The following CNTNAP2 variants were observed in gnomAD, a reference collection of about 807,000 sequenced individuals.
The protein encoded by CNTNAP2 is contactin associated protein 2.
CNTNAP2 carries 98 observed loss-of-function variants against 155.2 expected under a neutral mutation model. The ratio of observed to expected loss-of-function variants is 0.63; its 90% CI spans 0.54 to 0.75. CNTNAP2 has a LOEUF of 0.75. Ranked by LOEUF, CNTNAP2 falls within the 30% of genes least tolerant of loss-of-function variation. The pLI, the probability that CNTNAP2 is intolerant of heterozygous loss-of-function variation, is 0.00. For synonymous variants in CNTNAP2, 651 were observed against 631.2 expected (o/e 1.03, Z -0.47); for missense variants, 1,727 against 1,688.1 (o/e 1.02, Z -0.40).
chr7:146,117,902 A>C (rs2116712725), intron 1 of CNTNAP2, among the ~76,000 whole-genome samples: 1 of 152,360 alleles, frequency 6.6e-6, no homozygotes, highest in Non-Finnish European at 1.5e-5. Context: ...AATATTCATA[A>C]GCGCATACTA....
At chr7:146,160,648 C>T (rs894395653) in intron 1 of CNTNAP2, among the ~76,000 whole-genome samples, 7 of 152,052 alleles carry the variant, frequency 4.6e-5, no homozygotes, top group Admixed American at 1.3e-4. Flanking sequence ...CAAGACTTAA[C>T]CAAGAAGAAG....
At chr7:146,548,797 G>GTTT (rs1563130077) in intron 1 of CNTNAP2, among the ~76,000 whole-genome samples, 1 of 74,488 alleles carries the variant, frequency 1.3e-5, no homozygotes, top group African/African-American at 5.0e-5. Context: ...CCATTCTCTA[G>GTTT]GTTTTTTTTT....
intron 9 of CNTNAP2, among the ~76,000 whole-genome samples, chr7:147,319,412 CT>C (rs1470195853): frequency 1.3e-5 from 2 of 152,130 alleles, no homozygotes; most frequent in Non-Finnish European, 2.9e-5. Flanking sequence ...CAGTCTCACT[CT>C]GTTGCCCAGG....
chr7:146,599,340 T>C (rs572581542), intron 1 of CNTNAP2, among the ~76,000 whole-genome samples: 2 of 152,110 alleles, frequency 1.3e-5, no homozygotes, highest in Admixed American at 6.6e-5. Flanking sequence ...CTCCAATTAT[T>C]TTCTGTCTCA....
chr7:146,383,290 A>C (rs1001372765), intron 1 of CNTNAP2, among the ~76,000 whole-genome samples: 1 of 152,174 alleles, frequency 6.6e-6, no homozygotes, highest in African/African-American at 2.4e-5. Context: ...CAATTAATAA[A>C]AATTATAAAC....
intron 12 of CNTNAP2, among the ~76,000 whole-genome samples, chr7:147,615,172 A>T (rs1021196190): frequency 6.8e-6 from 1 of 147,068 alleles, no homozygotes; most frequent in African/African-American, 2.5e-5. Context: ...GCTGAAGTGG[A>T]AGGATCACTT....
chr7:146,660,017 G>A (rs894310599), intron 1 of CNTNAP2, among the ~76,000 whole-genome samples: 2 of 152,192 alleles, frequency 1.3e-5, no homozygotes, highest in Non-Finnish European at 2.9e-5. Context: ...CAAGGGCACG[G>A]TTATGCTGTT....
At chr7:146,177,573 C>T (rs866385635) in intron 1 of CNTNAP2, among the ~76,000 whole-genome samples, 5 of 152,272 alleles carry the variant, frequency 3.3e-5, no homozygotes, top group African/African-American at 4.8e-5. Flanking sequence ...TTAAAGAATG[C>T]CTCAAATTCT....
intron 1 of CNTNAP2, among the ~76,000 whole-genome samples, chr7:146,532,063 A>T (rs912865877): frequency 6.6e-6 from 1 of 152,134 alleles, no homozygotes; most frequent in Non-Finnish European, 1.5e-5. Flanking sequence ...AGCTGGAACT[A>T]GGGAAAAATA....
At chr7:148,206,681 C>T (rs1033124862) in intron 18 of CNTNAP2, among the ~76,000 whole-genome samples, 5 of 152,212 alleles carry the variant, frequency 3.3e-5, no homozygotes, top group African/African-American at 1.2e-4. Context: ...GGCCTCTCCC[C>T]AGACAATCAG....
At chr7:148,129,943 C>A (rs1190146602) in intron 16 of CNTNAP2, among the ~76,000 whole-genome samples, 2 of 152,224 alleles carry the variant, frequency 1.3e-5, no homozygotes, top group African/African-American at 4.8e-5. Flanking sequence ...AACACATCTG[C>A]TTCCAGTAAT....
intron 1 of CNTNAP2, among the ~76,000 whole-genome samples, chr7:146,721,279 ATATTC>A (rs1169201488): frequency 7.6e-6 from 1 of 131,448 alleles, no homozygotes; most frequent in Non-Finnish European, 1.5e-5. Flanking sequence ...TATTCTATAT[ATATTC>A]TATATATATT....
intron 15 of CNTNAP2, among the ~76,000 whole-genome samples, chr7:148,117,763 A>G (rs1225584969): frequency 6.6e-6 from 1 of 151,796 alleles, no homozygotes; most frequent in Non-Finnish European, 1.5e-5. Context: ...AGGAACCCCA[A>G]CTATATCAAT....
At chr7:147,287,994 A>G (rs1481411313) in intron 8 of CNTNAP2, among the ~76,000 whole-genome samples, 1 of 151,918 alleles carries the variant, frequency 6.6e-6, no homozygotes, top group Non-Finnish European at 1.5e-5. Context: ...GCCTTTACCT[A>G]TATATTTTCT....
At chr7:147,376,355 C>T (rs1796433585) in intron 9 of CNTNAP2, among the ~76,000 whole-genome samples, 1 of 151,828 alleles carries the variant, frequency 6.6e-6, no homozygotes, top group Admixed American at 6.6e-5. Flanking sequence ...TACTGAAGCA[C>T]TGAGGGGAGG....
chr7:148,131,392 C>G (rs1804829137), intron 16 of CNTNAP2, among the ~76,000 whole-genome samples: 1 of 152,152 alleles, frequency 6.6e-6, no homozygotes, highest in Non-Finnish European at 1.5e-5. Context: ...CCACCACGCC[C>G]TGCCAACACT....
chr7:147,442,837 T>C (rs1295528184), intron 10 of CNTNAP2, among the ~76,000 whole-genome samples: 1 of 152,142 alleles, frequency 6.6e-6, no homozygotes, highest in Admixed American at 6.5e-5. Flanking sequence ...CTCATGACTC[T>C]GACTGCTGCC....
At chr7:147,227,228 A>T (rs1284024995) in intron 8 of CNTNAP2, among the ~76,000 whole-genome samples, 1 of 152,184 alleles carries the variant, frequency 6.6e-6, no homozygotes, top group Admixed American at 6.5e-5. Flanking sequence ...GCATGGTCCA[A>T]GAAGATAAAG....
chr7:147,030,159 T>C (rs35255782), intron 3 of CNTNAP2, among the ~76,000 whole-genome samples: 6,657 of 152,270 alleles, frequency 0.044, 232 homozygotes, highest in Non-Finnish European at 0.069. Flanking sequence ...TGCTATAAAT[T>C]TGTGTTTACT....
Sources: allele counts gnomAD v4.1 joint callset (sites outside exome capture counted in the v4.1 genomes callset), GRCh38; gene constraint gnomAD v4.1.1; transcripts MANE v1.5; gene names NCBI Gene and HGNC (gene_info 2026-07-23, HGNC 2026-07-21).